EXOC4: variants seen among roughly 807,000 people sequenced by gnomAD.
EXOC4 encodes SEC8-like 1.
A neutral mutation model predicts 107.2 loss-of-function variants in EXOC4; 71 were observed. The observed-to-expected ratio is 0.66, with a 90% CI of 0.55 to 0.81. The LOEUF (loss-of-function observed/expected upper bound fraction) is 0.81. Among genes scored for constraint, EXOC4 ranks in the 30% least tolerant of loss-of-function variants. The probability of loss-of-function intolerance (pLI) is 0.00; values close to 1 mark genes in which losing one functional copy is unlikely to be tolerated. For missense variants in EXOC4, 1,108 were observed against 1,189.6 expected, an observed-to-expected ratio of 0.93 and a Z score of 1.01; for synonymous variants, 456 against 441.2, an observed-to-expected ratio of 1.03 and a Z score of -0.42.
At chr7:133,373,508 G>A (rs769052181) in intron 6 of EXOC4, among the ~76,000 whole-genome samples, 5 of 152,154 alleles carry the variant, frequency 3.3e-5, no homozygotes, top group African/African-American at 4.8e-5. Flanking sequence ...GTTATGGGCT[G>A]TCTCATTGTC....
At chr7:133,445,682 A>G (rs1798204254) in intron 7 of EXOC4, among the ~76,000 whole-genome samples, 1 of 152,162 alleles carries the variant, frequency 6.6e-6, no homozygotes, top group East Asian at 1.9e-4. Context: ...AATGTGCAGC[A>G]GTAGCTGTGA....
chr7:133,801,088 T>C (rs1360391849), intron 10 of EXOC4, among the ~76,000 whole-genome samples: 1 of 152,094 alleles, frequency 6.6e-6, no homozygotes, highest in Admixed American at 6.5e-5. Flanking sequence ...AAGAAAAAAA[T>C]TGTTAGTATC....
intron 9 of EXOC4, among the ~76,000 whole-genome samples, chr7:133,573,500 C>G (rs1801066871): frequency 6.6e-6 from 1 of 152,180 alleles, no homozygotes; most frequent in African/African-American, 2.4e-5. Context: ...TGAGGTATCA[C>G]CAGAGGCAGC....
intron 7 of EXOC4, among the ~76,000 whole-genome samples, chr7:133,438,102 G>C (rs1798017039): frequency 6.6e-6 from 1 of 152,146 alleles, no homozygotes; most frequent in African/African-American, 2.4e-5. Context: ...TCCATATTTA[G>C]TTCAGATCTG....
intron 14 of EXOC4, among the ~76,000 whole-genome samples, chr7:133,968,206 C>T (rs1488017894): frequency 2.0e-5 from 3 of 152,100 alleles, no homozygotes; most frequent in South Asian, 2.1e-4. Flanking sequence ...AAATATTCCT[C>T]CATCCCTCTA....
chr7:133,633,649 C>T (rs1329402506), intron 10 of EXOC4, among the ~76,000 whole-genome samples: 5 of 152,142 alleles, frequency 3.3e-5, no homozygotes, highest in South Asian at 2.1e-4. Flanking sequence ...AACCCGGAGG[C>T]GGAGGTTGCA....
chr7:133,681,042 A>G (rs1219369392), intron 10 of EXOC4, among the ~76,000 whole-genome samples: 1 of 152,134 alleles, frequency 6.6e-6, no homozygotes, highest in Non-Finnish European at 1.5e-5. Flanking sequence ...TGTGACTTTC[A>G]AGTTGAACCT....
intron 10 of EXOC4, among the ~76,000 whole-genome samples, chr7:133,741,822 T>C (rs767806109): frequency 3.3e-5 from 5 of 152,214 alleles, no homozygotes; most frequent in Non-Finnish European, 5.9e-5. Flanking sequence ...TACTGTTGTA[T>C]AGATTGTAGT....
At chr7:133,418,212 G>A (rs979519633) in intron 7 of EXOC4, among the ~76,000 whole-genome samples, 3 of 152,282 alleles carry the variant, frequency 2.0e-5, no homozygotes, top group Non-Finnish European at 4.4e-5. Flanking sequence ...GAGAATCCCA[G>A]ACTCGACACT....
At chr7:134,006,404 T>C (rs1403586339) in intron 16 of EXOC4, among the ~76,000 whole-genome samples, 1 of 149,428 alleles carries the variant, frequency 6.7e-6, no homozygotes, top group Non-Finnish European at 1.5e-5. Context: ...TTGTCTAGTT[T>C]TAAATGTAGA....
In EXOC4 at chr7:133,857,355, A is replaced by ACG. The variant is rs1399514160; in HGVS notation, c.1735-38244_1735-38243insCG. 7.5e-4 allele frequency among the ~76,000 whole-genome samples: 35 copies of ACG among 46,832 alleles called. 6 individuals are homozygous for ACG. The highest frequency in any genetic ancestry group is 4.2e-3 in the South Asian group (4 of 962). The allele number at this position is 46,832 out of a possible 152,430, so 30.7% of individuals were successfully genotyped here. ...TATATATATATATATATATATATAT[A>ACG]TATATATATATTTTACCTCTACTTA... is the stretch of plus-strand genomic sequence containing the variant. On this transcript the variant is annotated intron_variant, in intron 11 of 17. Transcript: ENST00000253861.
intron 7 of EXOC4, among the ~76,000 whole-genome samples, chr7:133,472,383 A>G (rs1798900899): frequency 6.6e-6 from 1 of 152,212 alleles, no homozygotes. Flanking sequence ...CTTGAGGACT[A>G]ATTCCCTTAT....
At chr7:133,480,344 A>G in intron 9 of EXOC4, 2 of 1,386,596 alleles carry the variant, frequency 1.4e-6, no homozygotes, top group South Asian at 1.5e-5. Flanking sequence ...TAGACCTGCT[A>G]CTGTTCAAGT....
chr7:133,911,410 A>C (rs1275186587), intron 12 of EXOC4, among the ~76,000 whole-genome samples: 1 of 152,220 alleles, frequency 6.6e-6, no homozygotes, highest in East Asian at 1.9e-4. Context: ...GATCAATGCC[A>C]GTATTTCAAA....
chr7:133,774,877 C>T, intron 10 of EXOC4, among the ~76,000 whole-genome samples: 1 of 151,970 alleles, frequency 6.6e-6, no homozygotes, highest in South Asian at 2.1e-4. Flanking sequence ...GACTCTTAAT[C>T]CTCCACCCAG....
chr7:133,431,949 TGAAAGTA>T, intron 7 of EXOC4, among the ~76,000 whole-genome samples: 1 of 152,310 alleles, frequency 6.6e-6, no homozygotes, highest in Middle Eastern at 3.4e-3. Context: ...AAATACTACT[TGAAAGTA>T]CTGAGATTTC....
chr7:133,986,381 T>C (rs1407044760), intron 14 of EXOC4, among the ~76,000 whole-genome samples: 1 of 152,172 alleles, frequency 6.6e-6, no homozygotes, highest in Non-Finnish European at 1.5e-5. Context: ...TATAGATGGT[T>C]TGGAAGATGG....
intron 12 of EXOC4, among the ~76,000 whole-genome samples, chr7:133,906,195 C>T (rs1360868614): frequency 2.0e-5 from 3 of 152,334 alleles, no homozygotes; most frequent in South Asian, 4.1e-4. Context: ...ACTCTGGTGG[C>T]TTCTGAAGCC....
intron 11 of EXOC4, among the ~76,000 whole-genome samples, chr7:133,833,676 A>T (rs1797858210): frequency 6.6e-6 from 1 of 151,978 alleles, no homozygotes; most frequent in South Asian, 2.1e-4. Context: ...GATCCTCCCA[A>T]CTCAGCCTCC....
Sources: gnomAD v4.1 joint callset for allele counts (sites outside exome capture counted in the v4.1 genomes callset) on GRCh38, gnomAD v4.1.1 for gene constraint, MANE v1.5 for transcripts, NCBI Gene and HGNC (gene_info 2026-07-23, HGNC 2026-07-21) for gene names.